The following ATP8B4 variants were observed in gnomAD, a reference collection of about 807,000 sequenced individuals.
ATP8B4 encodes ATPase phospholipid transporting 8B4 (putative), also known as probable phospholipid-transporting ATPase IM.
In ATP8B4, 133 loss-of-function variants were observed where a neutral mutation model predicts 145.6. The ratio of observed to expected loss-of-function variants is 0.91; its 90% CI spans 0.79 to 1.05. The LOEUF is 1.05. ATP8B4 is among the 50% of genes least tolerant of loss of function. ATP8B4 has a pLI of 0.00. For synonymous variants in ATP8B4, 507 were observed against 492.9 expected (o/e 1.03, Z -0.38); for missense variants, 1,458 against 1,425.2 (o/e 1.02, Z -0.37).
intron 1 of ATP8B4, among the ~76,000 whole-genome samples, chr15:50,111,279 G>A (rs1211017963): frequency 6.6e-6 from 1 of 152,190 alleles, no homozygotes; most frequent in Non-Finnish European, 1.5e-5. Context: ...TGCTCACCAA[G>A]CAACCTGCTG....
intron 17 of ATP8B4, 108 bp downstream of exon 17, chr15:49,923,271 T>G: frequency 1.3e-6 from 1 of 792,394 alleles, no homozygotes; most frequent in Non-Finnish European, 2.1e-6. Flanking sequence ...TCCAGATGCT[T>G]TCTATTTCAG....
intron 1 of ATP8B4, among the ~76,000 whole-genome samples, chr15:50,129,511 T>C (rs2057330439): frequency 1.3e-5 from 2 of 152,188 alleles, no homozygotes; most frequent in Admixed American, 6.5e-5. Flanking sequence ...TCTCTGTTTC[T>C]TCATGTCTTT....
At chr15:50,170,164 T>C (rs1005683293) in intron 1 of ATP8B4, among the ~76,000 whole-genome samples, 3 of 152,130 alleles carry the variant, frequency 2.0e-5, no homozygotes. Flanking sequence ...CATGTAAATA[T>C]GAGAAGCACA....
chr15:50,022,772 C>T (rs1465469720), intron 6 of ATP8B4, among the ~76,000 whole-genome samples: 1 of 152,178 alleles, frequency 6.6e-6, no homozygotes, highest in East Asian at 1.9e-4. Flanking sequence ...GCCCCGCTGA[C>T]CACAGTAAGT....
intron 20 of ATP8B4, among the ~76,000 whole-genome samples, chr15:49,915,017 T>C (rs942480517): frequency 6.6e-6 from 1 of 152,166 alleles, no homozygotes; most frequent in Non-Finnish European, 1.5e-5. Flanking sequence ...CCATGTTTAC[T>C]GTAGCACTAC....
At chr15:50,054,591 G>T (rs1054158568) in intron 3 of ATP8B4, among the ~76,000 whole-genome samples, 9 of 151,952 alleles carry the variant, frequency 5.9e-5, no homozygotes, top group African/African-American at 2.2e-4. Flanking sequence ...AGATCAGCCT[G>T]GCTAACATGG....
chr15:49,873,440 A>C (rs2033940506), intron 25 of ATP8B4, among the ~76,000 whole-genome samples: 1 of 152,242 alleles, frequency 6.6e-6, no homozygotes, highest in Non-Finnish European at 1.5e-5. Flanking sequence ...GGAATACTAC[A>C]GCCATTAAAA....
At chr15:50,030,056 T>C (rs563424884) in intron 6 of ATP8B4, among the ~76,000 whole-genome samples, 4 of 152,356 alleles carry the variant, frequency 2.6e-5, no homozygotes, top group Admixed American at 2.6e-4. Flanking sequence ...GAGCTCTGAA[T>C]GAAACCAAAT....
chr15:50,136,681 C>G (rs181548818), intron 1 of ATP8B4, among the ~76,000 whole-genome samples: 1 of 152,170 alleles, frequency 6.6e-6, no homozygotes, highest in Non-Finnish European at 1.5e-5. Context: ...GAACACAGGA[C>G]AAACTTTGTG....
rs768640242 is a variant in ATP8B4 at position 49,918,866 on chromosome 15, T to A, written c.2008A>T (p.Ile670Phe). 2 of 1,612,950 alleles carry A rather than the reference T, an allele frequency of 1.2e-6. No homozygotes were observed. Residue 670 changes from isoleucine (I) to phenylalanine (F), a missense_variant, in exon 19 of 28, where the codon ATC becomes TTC. Ile to Phe is a conservative substitution (Grantham distance 21). Transcript: ENST00000284509. The stretch of plus-strand genomic sequence containing the variant: ...TGTTTGTCTCCTGTTAGGACCCAGA[T>A]CTTAATATTGGCTAGTGATAAACTT... ...VTSLSLANIK[I>F]WVLTGDKQET...
chr15:50,078,926 A>G (rs541583531), intron 2 of ATP8B4, among the ~76,000 whole-genome samples: 30 of 152,346 alleles, frequency 2.0e-4, no homozygotes, highest in African/African-American at 7.0e-4. Context: ...TGAAGGGGAA[A>G]TAAAGACATC....
intron 6 of ATP8B4, among the ~76,000 whole-genome samples, chr15:50,016,310 G>A (rs144341179): frequency 5.2e-4 from 79 of 152,240 alleles, no homozygotes; most frequent in African/African-American, 1.8e-3. Context: ...TGAAGACACA[G>A]GAATTCAGAA....
At chr15:49,981,342 T>C (rs1181931818) in intron 10 of ATP8B4, 48 bp from the exon 11 acceptor site, 25 of 1,368,602 alleles carry the variant, frequency 1.8e-5, no homozygotes, top group Non-Finnish European at 2.5e-5. Flanking sequence ...TATGATTATG[T>C]ATTCTTATTA....
chr15:49,901,529 G>T (rs529514105), intron 20 of ATP8B4, among the ~76,000 whole-genome samples: 2 of 152,240 alleles, frequency 1.3e-5, no homozygotes, highest in African/African-American at 4.8e-5. Context: ...TGAACTAGGG[G>T]ATCTTGATAG....
chr15:50,104,109 G>A (rs1436417772), intron 2 of ATP8B4, among the ~76,000 whole-genome samples: 1 of 152,056 alleles, frequency 6.6e-6, no homozygotes, highest in Non-Finnish European at 1.5e-5. Flanking sequence ...TTAAATCTAA[G>A]AACTGAAACT....
intron 17 of ATP8B4, 80 bp from the exon 18 acceptor site, chr15:49,920,490 GA>G: frequency 7.0e-7 from 1 of 1,429,814 alleles, no homozygotes; most frequent in Non-Finnish European, 9.3e-7. Flanking sequence ...TAATTGGTGA[GA>G]AATTTTTCAC....
chr15:49,933,265 C>T (rs1336007132), intron 15 of ATP8B4, among the ~76,000 whole-genome samples: 1 of 151,832 alleles, frequency 6.6e-6, no homozygotes, highest in Non-Finnish European at 1.5e-5. Context: ...TAACAGATTT[C>T]AAGAAATAAA....
rs150445290 is a variant in ATP8B4 at position 49,992,859 on chromosome 15, G to A, written c.589+3818C>T. ...AGTGTGCCTCCCATATCTTCTCATC[G>A]ATTATACCTTGCCAAAGCTAGCCAG... On this transcript the variant is annotated intron_variant, in intron 9 of 27. Coordinates refer to ENST00000284509, the MANE Select transcript of ATP8B4 (RefSeq NM_024837.4). 5.9e-5 allele frequency among the ~76,000 whole-genome samples: 9 copies of A among 152,122 alleles called. No individual in the cohort carries two copies. In the East Asian group the frequency reaches 7.7e-4, roughly 13 times the overall value.
At chr15:50,103,196 C>A (rs2056475585) in intron 2 of ATP8B4, among the ~76,000 whole-genome samples, 1 of 152,044 alleles carries the variant, frequency 6.6e-6, no homozygotes, top group Non-Finnish European at 1.5e-5. Context: ...GACAAGGATG[C>A]CCATTTTCAC....
Sources: gnomAD v4.1 joint callset for allele counts (sites outside exome capture counted in the v4.1 genomes callset) on GRCh38, gnomAD v4.1.1 for gene constraint, MANE v1.5 for transcripts, NCBI Gene and HGNC (gene_info 2026-07-23, HGNC 2026-07-21) for gene names.